ACAN: variants seen among roughly 807,000 people sequenced by gnomAD.
ACAN encodes the protein aggrecan.
A neutral mutation model predicts 169.1 loss-of-function variants in ACAN; 47 were observed. The observed-to-expected ratio is 0.28, with a 90% CI of 0.22 to 0.35. ACAN has a LOEUF of 0.35. Ranked by LOEUF, ACAN falls within the 10% of genes least tolerant of loss-of-function variation. The pLI is 1.00. For missense variants in ACAN, 2,716 were observed against 2,759.9 expected (o/e 0.98, Z 0.36); for synonymous variants, 1,115 against 1,112.2 (o/e 1.00, Z -0.05).
Position 88,803,470 on chromosome 15 carries a change from G to A in ACAN, c.-347G>A, listed in dbSNP as rs1026792885. 7.6e-5 allele frequency: 11 copies of A among 144,006 alleles called. No individual in the cohort carries two copies. Among genetic ancestry groups the A allele is most frequent in the African/African-American group, 2.8e-4 (11 of 39,450 alleles). 8.9% of individuals were successfully genotyped at this position (144,006 alleles called of 1,614,324 possible). ...CCTACCTCCCCGCCGCTCCAGAGGG[G>A]GCTCGCAGAGCTGAGGACGCGCGCA... is the stretch of plus-strand genomic sequence containing the variant. On this transcript the variant is annotated 5_prime_UTR_variant, in exon 1 of 19. Transcript: ENST00000560601.
At chr15:88,820,221 G>C (rs1596117220) in intron 1 of ACAN, among the ~76,000 whole-genome samples, 1 of 152,294 alleles carries the variant, frequency 6.6e-6, no homozygotes, top group East Asian at 1.9e-4. Context: ...ATAAAACCCA[G>C]TGCATGCTCC....
Position 88,839,113 on chromosome 15 carries a change from G to A in ACAN, c.454+67G>A. ...AAAGAACCAGAGCAGTCTCCGCAGT[G>A]CAGGCGCAGGCAGGCTGGCCTTCAA... On this transcript the variant is annotated intron_variant, in intron 3 of 18. Transcript: ENST00000560601. The surrounding 1 kb of genome is among the most constrained non-coding windows in gnomAD (Gnocchi z 4.5). The A allele has an allele frequency of 6.4e-7, 1 of 1,550,592 alleles. No individual in the cohort carries two copies. The highest frequency in any genetic ancestry group is 2.3e-5 in the East Asian group (1 of 44,348).
At position 88,871,388 on chromosome 15, in the gene ACAN, A is replaced by G. The variant is rs1279151834; in HGVS notation, c.7067A>G (p.Glu2356Gly). ...YEGDLCEIDQEVCEEGWNKYQ... is the reference protein window; with the variant it reads ...YEGDLCEIDQGVCEEGWNKYQ... The stretch of plus-strand genomic sequence containing the variant: ...CCCCTGACCTGTGTTGCAGACCAGG[A>G]GGTATGTGAGGAGGGCTGGAACAAG... Residue 2356 changes from glutamate (E) to glycine (G), a missense_variant, in exon 15 of 19, where the codon GAG (glutamate) becomes GGG (glycine). Coordinates refer to ENST00000560601, the MANE Select transcript of ACAN (RefSeq NM_001369268.1). This position sits in a 1 kb window ranked among gnomAD's most constrained non-coding sequence, Gnocchi z 7.8. The G allele has an allele frequency of 6.2e-7, 1 of 1,613,632 alleles. No individual in the cohort carries two copies. The highest frequency in any genetic ancestry group is 1.7e-5 in the Admixed American group (1 of 59,988).
At chr15:88,816,280 A>C (rs1180622183) in intron 1 of ACAN, among the ~76,000 whole-genome samples, 2 of 152,248 alleles carry the variant, frequency 1.3e-5, no homozygotes, top group South Asian at 4.1e-4. Flanking sequence ...GGAGGGACTC[A>C]GTTCAACATA....
intron 13 of ACAN, among the ~76,000 whole-genome samples, chr15:88,863,826 A>G (rs939877479): frequency 6.6e-6 from 1 of 152,236 alleles, no homozygotes; most frequent in Non-Finnish European, 1.5e-5. Context: ...TGCCTTCTTG[A>G]CTTAACCAAA....
In ACAN at chr15:88,831,538, T is replaced by C. The variant is rs954488911; in HGVS notation, c.-7-4662T>C. ...TTTGTCCATTCATTCATTCAGCAAT[T>C]TCCTCTCTTTGTGCCACACACTACA... On this transcript the variant is annotated intron_variant, in intron 1 of 18. Coordinates refer to ENST00000560601, the MANE Select transcript of ACAN (RefSeq NM_001369268.1). Among the ~76,000 whole-genome samples, 14 of 152,348 alleles carry C rather than the reference T, an allele frequency of 9.2e-5. No homozygotes were observed. In the South Asian group the frequency reaches 1.7e-3, roughly 18 times the overall value.
intron 1 of ACAN, among the ~76,000 whole-genome samples, chr15:88,808,913 C>T (rs1895752684): frequency 6.6e-6 from 1 of 152,136 alleles, no homozygotes; most frequent in Non-Finnish European, 1.5e-5. Flanking sequence ...AAAGTCCGAG[C>T]CCCCATGGTA....
At chr15:88,840,425 T>C (rs2079403656) in intron 4 of ACAN, among the ~76,000 whole-genome samples, 1 of 152,242 alleles carries the variant, frequency 6.6e-6, no homozygotes, top group South Asian at 2.1e-4. Context: ...AACCTTGCCC[T>C]ACATGTCATT....
At position 88,840,195 on chromosome 15, in the gene ACAN, T is replaced by C; in HGVS notation, c.629+9T>C. 6.3e-7 allele frequency: 1 copy of C among 1,583,788 alleles called. No homozygotes were observed. The highest frequency in any genetic ancestry group is 2.3e-5 in the East Asian group (1 of 44,064). ...GCTGACCAGACTGTCAGGTGAGCCC[T>C]AGCCCATCAGCTAGTGGGGGCCAGG... On this transcript the variant is annotated intron_variant, in intron 4 of 18. Transcript: ENST00000560601.
In ACAN at chr15:88,855,120, A is replaced by C. The variant is rs1025076505; in HGVS notation, c.2535A>C (p.Ser845=). ...CCTCGGAAGAGCCGTATACACCTTC[A>C]CCCCCCGTGCCCAGCTGGACTGAGC... ...PSASEEPYTP[S]PPVPSWTELP... Residue 845 remains serine, a synonymous_variant, in exon 12 of 19, where the codon TCA becomes TCC. Transcript: ENST00000560601. 4 of 1,605,394 alleles carry C rather than the reference A, an allele frequency of 2.5e-6. No individual in the cohort carries two copies. In the Admixed American group the frequency reaches 5.1e-5, roughly 20 times the overall value.
chr15:88,845,902 T>C lies in ACAN; in HGVS notation c.1429+20T>C. ...CAGGGGGTAAGTAGCTGCCCGTGGG[T>C]GCATCCAGGGGCAGGTGGAGAGAAC... On this transcript the variant is annotated intron_variant, in intron 7 of 18. Coordinates refer to ENST00000560601, the MANE Select transcript of ACAN (RefSeq NM_001369268.1). 2 of 1,443,580 alleles carry C rather than the reference T, an allele frequency of 1.4e-6. No individual in the cohort carries two copies. The highest frequency in any genetic ancestry group is 1.8e-6 in the Non-Finnish European group (2 of 1,095,150). 89.4% of individuals were successfully genotyped at this position (1,443,580 alleles called of 1,614,324 possible).
chr15:88,835,529 C>G (rs188971703), intron 1 of ACAN, among the ~76,000 whole-genome samples: 8 of 152,264 alleles, frequency 5.3e-5, no homozygotes, highest in Admixed American at 3.9e-4. Flanking sequence ...GACCAGGAGA[C>G]CTGGTGGTGT....
Position 88,874,398 on chromosome 15 carries a change from G to A in ACAN, c.7631-7G>A, listed in dbSNP as rs2280465. ...ACTGATATCTTTCCATCTCCCTTTC[G>A]TCCTAGCCACCACCTACAAACGCAG... On this transcript the variant is annotated splice_region_variant and splice_polypyrimidine_tract_variant and intron_variant, in intron 18 of 18. Coordinates refer to ENST00000560601, the MANE Select transcript of ACAN (RefSeq NM_001369268.1). The surrounding 1 kb of genome is among the most constrained non-coding windows in gnomAD (Gnocchi z 7.3). 345,471 of 1,595,604 alleles carry A rather than the reference G, an allele frequency of 0.22. 38,239 individuals are homozygous for A. The highest frequency in any genetic ancestry group is 0.28 in the Middle Eastern group (1,668 of 5,986).
At position 88,852,045 on chromosome 15, in the gene ACAN, T is replaced by A. The variant is rs1330571423; in HGVS notation, c.2266+12T>A. 5 of 1,583,788 alleles carry A rather than the reference T, an allele frequency of 3.2e-6. No homozygotes were observed. Among genetic ancestry groups the A allele is most frequent in the Non-Finnish European group, 4.3e-6 (5 of 1,165,364 alleles). ...ATCCCCGCTGCCAGGTTGGTATGGC[T>A]TGGGTTCTGGGGCACACCCTGAAGC... On this transcript the variant is annotated intron_variant, in intron 11 of 18. Transcript: ENST00000560601.
intron 1 of ACAN, among the ~76,000 whole-genome samples, chr15:88,834,399 G>A (rs1896446714): frequency 6.6e-6 from 1 of 152,174 alleles, no homozygotes; most frequent in Non-Finnish European, 1.5e-5. Context: ...TCCTGGATGG[G>A]AACACCAGTG....
chr15:88,840,016 C>T lies in ACAN; in HGVS notation c.459C>T (p.Ile153=), dbSNP rs758371121. 11 of 1,598,380 alleles carry T rather than the reference C, an allele frequency of 6.9e-6. No homozygotes were observed. The Admixed American group carries it at 6.9e-5, about 10-fold the overall frequency. The change falls in exon 4 of 19, where the codon ATC becomes ATT. Residue 153 remains isoleucine, a synonymous_variant. Coordinates refer to ENST00000560601, the MANE Select transcript of ACAN (RefSeq NM_001369268.1). The stretch of plus-strand genomic sequence containing the variant: ...GGGCGTGTATGTGTCTTGCAGGCAT[C>T]GTGTTCCATTACAGAGCCATCTCTA... ...EATLEVVVKG[I]VFHYRAISTR...
intron 4 of ACAN, 144 bp downstream of exon 4, chr15:88,840,330 C>A: frequency 2.9e-6 from 3 of 1,051,430 alleles, no homozygotes; most frequent in Non-Finnish European, 2.6e-6. Flanking sequence ...CGTGGTCACA[C>A]CTTGGCCAAA....
intron 1 of ACAN, among the ~76,000 whole-genome samples, chr15:88,827,906 C>T (rs189357500): frequency 6.6e-6 from 1 of 152,278 alleles, no homozygotes; most frequent in Admixed American, 6.5e-5. Flanking sequence ...GCGATTCAGC[C>T]ACATCTGTCT....
At chr15:88,864,620 C>G (rs752647461) in intron 13 of ACAN, among the ~76,000 whole-genome samples, 3 of 152,190 alleles carry the variant, frequency 2.0e-5, no homozygotes, top group Non-Finnish European at 2.9e-5. Flanking sequence ...GGTGAATATG[C>G]TTTTATAATC....
Sources: allele counts gnomAD v4.1 joint callset (sites outside exome capture counted in the v4.1 genomes callset), GRCh38; gene constraint gnomAD v4.1.1; non-coding constraint Gnocchi (gnomAD v3.1); transcripts MANE v1.5; gene names NCBI Gene and HGNC (gene_info 2026-07-23, HGNC 2026-07-21).